Variants in EFR3A observed in about 807,000 individuals in gnomAD.
EFR3A encodes EFR3 homolog A, also known as protein EFR3 homolog A.
Under a neutral mutation model 104.4 loss-of-function variants are expected in EFR3A, and 76 were observed. That is an observed-to-expected ratio of 0.73 (90% CI 0.60 to 0.88). The LOEUF is 0.88. EFR3A is among the 40% of genes least tolerant of loss of function. The probability of loss-of-function intolerance (pLI) is 0.00; values close to 1 mark genes in which losing one functional copy is unlikely to be tolerated. For missense variants in EFR3A, 985 were observed against 1,012.5 expected, an observed-to-expected ratio of 0.97 and a Z score of 0.37; for synonymous variants, 330 against 330.0, an observed-to-expected ratio of 1.00 and a Z score of 0.00.
chr8:131,922,671 C>T (rs894836148), intron 1 of EFR3A, among the ~76,000 whole-genome samples: 5 of 152,116 alleles, frequency 3.3e-5, no homozygotes, highest in African/African-American at 1.2e-4. Flanking sequence ...AATGGACAGC[C>T]TTGTTTCCAC....
chr8:131,956,512 A>G (rs1819003278), intron 7 of EFR3A, among the ~76,000 whole-genome samples: 1 of 152,156 alleles, frequency 6.6e-6, no homozygotes, highest in Non-Finnish European at 1.5e-5. Flanking sequence ...CAGATGATAG[A>G]TCTACTATAT....
chr8:131,947,212 C>T (rs1818483104), intron 4 of EFR3A, among the ~76,000 whole-genome samples: 1 of 151,894 alleles, frequency 6.6e-6, no homozygotes, highest in African/African-American at 2.4e-5. Flanking sequence ...TTTTAAGCAT[C>T]CTAGAGCGTC....
chr8:131,960,079 A>C (rs1819227039), intron 8 of EFR3A, among the ~76,000 whole-genome samples: 1 of 152,184 alleles, frequency 6.6e-6, no homozygotes, highest in Non-Finnish European at 1.5e-5. Flanking sequence ...AGCTTTGGGC[A>C]CTGGAAAGCT....
At chr8:131,988,115 T>C (rs759761223) in intron 18 of EFR3A, among the ~76,000 whole-genome samples, 84 of 152,120 alleles carry the variant, frequency 5.5e-4, no homozygotes, top group Non-Finnish European at 1.1e-3. Flanking sequence ...AGACTTGTTA[T>C]ATAAATAAAA....
chr8:131,955,617 T>G (rs1181383045), intron 6 of EFR3A, 151 bp from the exon 7 acceptor site: 1 of 785,466 alleles, frequency 1.3e-6, no homozygotes, highest in Non-Finnish European at 1.9e-6. Flanking sequence ...TTTGGTGGTG[T>G]TAAATTCATG....
At chr8:131,940,751 C>G in intron 2 of EFR3A, 176 bp downstream of exon 2, 1 of 1,097,282 alleles carries the variant, frequency 9.1e-7, no homozygotes, top group Non-Finnish European at 1.2e-6. Context: ...GCTTGCTTGT[C>G]TAGTTTTCAG....
intron 2 of EFR3A, among the ~76,000 whole-genome samples, chr8:131,941,846 A>G (rs1035825601): frequency 3.9e-5 from 6 of 152,050 alleles, no homozygotes; most frequent in African/African-American, 1.4e-4. Flanking sequence ...AAGACATGGG[A>G]AAGCAAGACA....
At chr8:131,914,469 T>C (rs1816658060) in intron 1 of EFR3A, among the ~76,000 whole-genome samples, 1 of 152,142 alleles carries the variant, frequency 6.6e-6, no homozygotes, top group Non-Finnish European at 1.5e-5. Flanking sequence ...TTGACCCACA[T>C]TGATGAATAC....
Position 131,953,801 on chromosome 8 carries a change from T to G in EFR3A, c.489-17T>G, listed in dbSNP as rs1359920455. The G allele has an allele frequency of 1.5e-6, 2 of 1,340,400 alleles. No homozygotes were observed. The highest frequency in any genetic ancestry group is 3.6e-5 in the African/African-American group (2 of 56,250). The allele number at this position is 1,340,400 out of a possible 1,614,324, so 83.0% of individuals were successfully genotyped here. ...TTTTTTATGGCTCATTTTCTTCCTT[T>G]TTTTTTTTTTTTATAGGATACGAAT... On this transcript the variant is annotated splice_polypyrimidine_tract_variant and intron_variant, in intron 5 of 22. Coordinates refer to ENST00000254624, the MANE Select transcript of EFR3A (RefSeq NM_015137.6).
At chr8:131,968,258 CT>C (rs1819863508) in intron 8 of EFR3A, 36 bp from the exon 9 acceptor site, 8 of 1,595,566 alleles carry the variant, frequency 5.0e-6, no homozygotes, top group Non-Finnish European at 6.8e-6. Flanking sequence ...GGTACATGTA[CT>C]TTTTATACAT....
At position 132,012,440 on chromosome 8, in the gene EFR3A, A is replaced by C. The variant is rs911337189; in HGVS notation, c.*1545A>C. ...ACTGAAAGATCCTGGGCTGCTTCTT[A>C]AATAAGTAGATCAGCAAGACTTGTT... On this transcript the variant is annotated 3_prime_UTR_variant, in exon 23 of 23. Coordinates refer to ENST00000254624, the MANE Select transcript of EFR3A (RefSeq NM_015137.6). 4.6e-5 allele frequency: 7 copies of C among 152,476 alleles called. No homozygotes were observed. Among genetic ancestry groups the C allele is most frequent in the South Asian group, 4.1e-4 (2 of 4,828 alleles). 9.4% of individuals were successfully genotyped at this position (152,476 alleles called of 1,614,324 possible).
chr8:131,944,362 C>G (rs1191426934), intron 2 of EFR3A, among the ~76,000 whole-genome samples: 1 of 152,050 alleles, frequency 6.6e-6, no homozygotes, highest in Non-Finnish European at 1.5e-5. Flanking sequence ...CATATGTTGA[C>G]TATCGTATAA....
chr8:132,005,390 T>C (rs902525258), intron 22 of EFR3A, among the ~76,000 whole-genome samples: 1 of 151,870 alleles, frequency 6.6e-6, no homozygotes, highest in Non-Finnish European at 1.5e-5. Flanking sequence ...CTCCCACTGT[T>C]CTTTCATTTA....
In EFR3A at chr8:131,958,913, T is replaced by G. The variant is rs565780002; in HGVS notation, c.777-672T>G. On this transcript the variant is annotated intron_variant, in intron 7 of 22. Coordinates refer to ENST00000254624, the MANE Select transcript of EFR3A (RefSeq NM_015137.6). Reference sequence around the variant, plus strand: ...TACTTAATCCTTTTACCCTATGAAATGGATGTTATTATCCCCATTTTCCAG... The same window carrying G: ...TACTTAATCCTTTTACCCTATGAAAGGGATGTTATTATCCCCATTTTCCAG... 5.9e-5 allele frequency among the ~76,000 whole-genome samples: 9 copies of G among 152,276 alleles called. No individual in the cohort carries two copies. The East Asian group carries it at 1.5e-3, about 26-fold the overall frequency.
intron 5 of EFR3A, among the ~76,000 whole-genome samples, chr8:131,953,239 C>A (rs929226454): frequency 7.2e-5 from 11 of 152,060 alleles, no homozygotes; most frequent in Admixed American, 7.2e-4. Flanking sequence ...GTCACATTAT[C>A]AGATTATTAT....
rs564770224 is a variant in EFR3A, at chr8:132,011,217, G to A, written c.*322G>A. The A allele has an allele frequency of 9.9e-7, 1 of 1,014,672 alleles. No individual in the cohort carries two copies. The highest frequency in any genetic ancestry group is 1.7e-5 in the African/African-American group (1 of 58,322). The allele number at this position is 1,014,672 out of a possible 1,614,324, so 62.9% of individuals were successfully genotyped here. ...TCACAAATGTAATGTTTTTTAAAAA[G>A]TAAGCCTTCAGAGGATTGAAACTGT... On this transcript the variant is annotated 3_prime_UTR_variant, in exon 23 of 23. Coordinates refer to ENST00000254624, the MANE Select transcript of EFR3A (RefSeq NM_015137.6).
At chr8:131,943,708 C>T (rs900261809) in intron 2 of EFR3A, among the ~76,000 whole-genome samples, 5 of 152,014 alleles carry the variant, frequency 3.3e-5, no homozygotes, top group Non-Finnish European at 7.4e-5. Flanking sequence ...CCAGTACCCA[C>T]CTTCACCCAT....
In EFR3A at chr8:132,011,530, G is replaced by C. The variant is rs77747943; in HGVS notation, c.*635G>C. 2.9e-6 allele frequency: 2 copies of C among 700,032 alleles called. No homozygotes were observed. The highest frequency in any genetic ancestry group is 1.3e-4 in the South Asian group (2 of 15,608). 43.4% of individuals were successfully genotyped at this position (700,032 alleles called of 1,614,324 possible). A position where few individuals can be genotyped will look rare whatever the true frequency, so the allele number is the denominator to read the frequency against. ...AAAAACGCCATACTTTAAATTGTCT[G>C]GTTCTTGTAATATTGTGTTTCCTGC... On this transcript the variant is annotated 3_prime_UTR_variant, in exon 23 of 23. Transcript: ENST00000254624.
At chr8:132,006,958 T>G (rs914275500) in intron 22 of EFR3A, among the ~76,000 whole-genome samples, 1 of 151,902 alleles carries the variant, frequency 6.6e-6, no homozygotes, top group Non-Finnish European at 1.5e-5. Context: ...AGCTCAATGT[T>G]CATTTAAGAC....
Sources: gnomAD v4.1 joint callset for allele counts (sites outside exome capture counted in the v4.1 genomes callset) on GRCh38, gnomAD v4.1.1 for gene constraint, MANE v1.5 for transcripts, NCBI Gene and HGNC (gene_info 2026-07-23, HGNC 2026-07-21) for gene names.